Variants in TMEM230 observed in about 807,000 individuals in gnomAD.
The protein encoded by TMEM230 is UPF0414 transmembrane protein C20orf30.
In TMEM230, 10 loss-of-function variants were observed where a neutral mutation model predicts 15.8. The ratio of observed to expected loss-of-function variants is 0.63; its 90% CI spans 0.39 to 1.07. TMEM230 has a LOEUF of 1.07. TMEM230 is among the 50% of genes least tolerant of loss of function. The probability of loss-of-function intolerance (pLI) is 0.01; values close to 1 mark genes in which losing one functional copy is unlikely to be tolerated. For synonymous variants in TMEM230, 67 were observed against 76.9 expected, an observed-to-expected ratio of 0.87 and a Z score of 0.68; for missense variants, 165 against 193.3, an observed-to-expected ratio of 0.85 and a Z score of 0.87.
chr20:5,073,826 G>T (rs1178123272), intron 3 of TMEM230, among the ~76,000 whole-genome samples: 1 of 152,218 alleles, frequency 6.6e-6, no homozygotes, highest in African/African-American at 2.4e-5. Flanking sequence ...CTCTCTGCCT[G>T]TGTTACTGTG....
the TMEM230 span, among the ~76,000 whole-genome samples, chr20:5,060,332 C>CTT: frequency 4.5e-3 from 467 of 102,910 alleles, 2 homozygotes; most frequent in East Asian, 6.1e-3. Context: ...AGTGTATTGT[C>CTT]TTTTTTTTTT....
rs1224932604 is a variant in TMEM230 at position 5,103,504 on chromosome 20, G to GA, written c.412-2574dup. Reference sequence around the variant, plus strand: ...GCAAAACCTCATCTATACAAAAAATGAAAAAAAAATTAACCAAGTGTGGTG... The same window carrying GA: ...GCAAAACCTCATCTATACAAAAAATGAAAAAAAAAATTAACCAAGTGTGGTG... On this transcript the variant is annotated intron_variant, in intron 4 of 4. Coordinates refer to ENST00000342308, the MANE Select transcript of TMEM230 (RefSeq NM_001009923.2). Among the ~76,000 whole-genome samples the GA allele has an allele frequency of 1.5e-4, 23 of 149,058 alleles. No homozygotes were observed. The East Asian group carries it at 3.8e-3, about 24-fold the overall frequency.
At chr20:5,107,849 C>T (rs1213306383) in intron 3 of TMEM230, among the ~76,000 whole-genome samples, 1 of 150,444 alleles carries the variant, frequency 6.6e-6, no homozygotes, top group African/African-American at 2.4e-5. Context: ...CGGTGACTCA[C>T]GCCTGTAATT....
rs2088946744 is a variant in TMEM230, at chr20:5,075,081, T to C, written c.223-5732A>G. ...TAAAGTGGTACTTTTTTTTTTTTTT[T>C]TGAGACAAAATTTCACTCTTGTTGC... On this transcript the variant is annotated intron_variant, in intron 3 of 3. Transcript: ENST00000612323. Among the ~76,000 whole-genome samples, 3 of 152,104 alleles carry C rather than the reference T, an allele frequency of 2.0e-5. No homozygotes were observed. In the South Asian group the frequency reaches 6.2e-4, roughly 32 times the overall value.
chr20:5,064,849 C>T (rs1021011526), downstream of TMEM230, among the ~76,000 whole-genome samples: 6 of 151,454 alleles, frequency 4.0e-5, no homozygotes, highest in African/African-American at 1.5e-4. Context: ...AGAAAGAAAA[C>T]CAAAGTACAG....
chr20:5,113,059 G>C lies in TMEM230; in HGVS notation c.-31C>G, dbSNP rs749869533. The C allele has an allele frequency of 1.9e-6, 3 of 1,541,336 alleles. No individual in the cohort carries two copies. The South Asian group carries it at 3.6e-5, about 18-fold the overall frequency. ...GGCCCGCTTAAGTGCCACTCAGCCG[G>C]CCCCAGGCGGGATCAGTGCGCCGGA... On this transcript the variant is annotated 5_prime_UTR_variant, in exon 1 of 5. Transcript: ENST00000342308.
the TMEM230 span, among the ~76,000 whole-genome samples, chr20:5,060,241 T>A: frequency 6.6e-6 from 1 of 151,888 alleles, no homozygotes; most frequent in Non-Finnish European, 1.5e-5. Context: ...AAAAGAATAG[T>A]TTTAGCACCT....
chr20:5,086,538 CAAAAAAA>C (rs542162305), intron 3 of TMEM230, among the ~76,000 whole-genome samples: 1 of 89,042 alleles, frequency 1.1e-5, no homozygotes, highest in Non-Finnish European at 2.2e-5. Flanking sequence ...GACTCTGTCT[CAAAAAAA>C]AAAAAAAAAA....
downstream of TMEM230, among the ~76,000 whole-genome samples, chr20:5,097,421 T>C (rs190438248): frequency 1.9e-4 from 29 of 152,200 alleles, no homozygotes; most frequent in Non-Finnish European, 8.8e-5. Flanking sequence ...AATAAGAACA[T>C]CCTTTAAAAA....
intron 1 of TMEM230, 137 bp downstream of exon 1, chr20:5,112,824 G>A (rs2090380731): frequency 1.3e-6 from 2 of 1,521,882 alleles, no homozygotes; most frequent in South Asian, 2.4e-5. Flanking sequence ...CTTCTGGAAA[G>A]AGGCCAACTG....
chr20:5,100,882 A>G lies in TMEM230; in HGVS notation c.461T>C (p.Leu154Pro). 1 of 1,614,228 alleles carries G rather than the reference A, an allele frequency of 6.2e-7. No homozygotes were observed. Among genetic ancestry groups the G allele is most frequent in the Non-Finnish European group, 8.5e-7 (1 of 1,180,032 alleles). Reference sequence around the variant, plus strand: ...GATGCGCAGGTGGTAAAATCCGGGTAGGAACACCAGAATGCCAATGATCAG... The same window carrying G: ...GATGCGCAGGTGGTAAAATCCGGGTGGGAACACCAGAATGCCAATGATCAG... Residue 154 changes from leucine to proline, a missense_variant, in exon 5 of 5, where the codon CTA becomes CCA. By Grantham distance (98) the Leu-to-Pro change is moderately conservative (BLOSUM62 -3). Coordinates refer to ENST00000342308, the MANE Select transcript of TMEM230 (RefSeq NM_001009923.2).
chr20:5,063,607 G>A (rs940859528), downstream of TMEM230, among the ~76,000 whole-genome samples: 1 of 151,964 alleles, frequency 6.6e-6, no homozygotes, highest in African/African-American at 2.4e-5. Flanking sequence ...AATACTTAAT[G>A]GCACATCCTG....
intron 3 of TMEM230, among the ~76,000 whole-genome samples, chr20:5,076,983 A>G (rs539236905): frequency 6.7e-6 from 1 of 148,984 alleles, no homozygotes; most frequent in African/African-American, 2.4e-5. Flanking sequence ...CAGTCAATTG[A>G]TATTCTTTAA....
chr20:5,074,405 C>T (rs976553127), intron 3 of TMEM230, among the ~76,000 whole-genome samples: 4 of 152,004 alleles, frequency 2.6e-5, no homozygotes, highest in Admixed American at 2.0e-4. Flanking sequence ...TCTATAGTTT[C>T]CCCCTTATAT....
intron 3 of TMEM230, among the ~76,000 whole-genome samples, chr20:5,092,400 A>C (rs2089535981): frequency 1.3e-5 from 2 of 152,112 alleles, no homozygotes; most frequent in African/African-American, 4.8e-5. Flanking sequence ...ACATATGCAT[A>C]TCAGTAAATG....
chr20:5,112,288 C>T (rs566544983), intron 1 of TMEM230, among the ~76,000 whole-genome samples: 1 of 152,300 alleles, frequency 6.6e-6, no homozygotes, highest in African/African-American at 2.4e-5. Context: ...AATCTCTATA[C>T]TTTTCAAAAA....
At chr20:5,065,819 G>A (rs184706741), downstream of TMEM230, among the ~76,000 whole-genome samples, 31 of 152,310 alleles carry the variant, frequency 2.0e-4, no homozygotes, top group African/African-American at 3.1e-4. Context: ...TAGGGATCAC[G>A]CCCCTGCCAT....
At chr20:5,103,707 T>A (rs2089962937) in intron 4 of TMEM230, among the ~76,000 whole-genome samples, 1 of 150,922 alleles carries the variant, frequency 6.6e-6, no homozygotes, top group African/African-American at 2.4e-5. Flanking sequence ...TTTCAATAAA[T>A]GGTATTAGGA....
chr20:5,095,811 G>A (rs1019650204), downstream of TMEM230, among the ~76,000 whole-genome samples: 4 of 152,200 alleles, frequency 2.6e-5, no homozygotes, highest in South Asian at 2.1e-4. Flanking sequence ...CCCAAGTGAT[G>A]TTGATGCTGC....
Sources: gnomAD v4.1 joint callset for allele counts (sites outside exome capture counted in the v4.1 genomes callset) on GRCh38, gnomAD v4.1.1 for gene constraint, MANE v1.5 for transcripts, NCBI Gene and HGNC (gene_info 2026-07-23, HGNC 2026-07-21) for gene names.